Variants in KCNAB1 observed in about 807,000 individuals in gnomAD.
KCNAB1 encodes voltage-gated potassium channel subunit beta-1.
Under a neutral mutation model 64.6 loss-of-function variants are expected in KCNAB1, and 35 were observed. The ratio of observed to expected loss-of-function variants is 0.54; its 90% CI spans 0.41 to 0.72. The LOEUF (loss-of-function observed/expected upper bound fraction) is 0.72. Ranked by LOEUF, KCNAB1 falls within the 30% of genes least tolerant of loss-of-function variation. The pLI is 0.00. For synonymous variants in KCNAB1, 177 were observed against 183.8 expected (o/e 0.96, Z 0.30); for missense variants, 401 against 512.9 (o/e 0.78, Z 2.11).
At chr3:156,316,806 TG>T (rs1722307275) in intron 1 of KCNAB1, among the ~76,000 whole-genome samples, 1 of 152,152 alleles carries the variant, frequency 6.6e-6, no homozygotes, top group Non-Finnish European at 1.5e-5. Context: ...CATCTTACTC[TG>T]GGAACCTGAC....
chr3:156,133,562 C>T (rs1312495185), intron 1 of KCNAB1, among the ~76,000 whole-genome samples: 1 of 152,160 alleles, frequency 6.6e-6, no homozygotes, highest in Non-Finnish European at 1.5e-5. Flanking sequence ...CTACCATGTT[C>T]CAGTTCTGAG....
rs1293692674 is a variant in KCNAB1 at position 156,537,570 on chromosome 3, A to G, written c.*823A>G. The G allele has an allele frequency of 6.5e-6, 1 of 152,768 alleles. No individual in the cohort carries two copies. The highest frequency in any genetic ancestry group is 1.5e-5 in the Non-Finnish European group (1 of 68,110). 9.5% of individuals were successfully genotyped at this position (152,768 alleles called of 1,614,324 possible). A position where few individuals can be genotyped will look rare whatever the true frequency, so the allele number is the denominator to read the frequency against. On this transcript the variant is annotated 3_prime_UTR_variant, in exon 14 of 14. Transcript: ENST00000490337. ...TTATGAAAGAGAGGGCTACACTGCT[A>G]TGGAAACTTAGCTTCAAAGAAAATG...
intron 1 of KCNAB1, among the ~76,000 whole-genome samples, chr3:156,203,909 A>G (rs933600641): frequency 2.0e-4 from 31 of 152,180 alleles, no homozygotes; most frequent in African/African-American, 7.0e-4. Context: ...ATCTTCTTCT[A>G]AACTTCTGTG....
intron 1 of KCNAB1, among the ~76,000 whole-genome samples, chr3:156,325,053 CA>C (rs1722883882): frequency 6.6e-6 from 1 of 152,116 alleles, no homozygotes; most frequent in Admixed American, 6.6e-5. Flanking sequence ...TAACAACTTT[CA>C]TTTATGGAGG....
At chr3:156,242,793 T>TC (rs1225186235) in intron 1 of KCNAB1, among the ~76,000 whole-genome samples, 1 of 151,506 alleles carries the variant, frequency 6.6e-6, no homozygotes, top group Non-Finnish European at 1.5e-5. Flanking sequence ...TTTCAAGTTT[T>TC]TTTTTTTTTT....
intron 1 of KCNAB1, among the ~76,000 whole-genome samples, chr3:156,310,385 T>G (rs77668735): frequency 0.042 from 6,384 of 151,170 alleles, 255 homozygotes; most frequent in African/African-American, 0.1. Context: ...GTATGAAGAG[T>G]TGTGAAAACA....
intron 1 of KCNAB1, chr3:156,143,436 A>G: frequency 6.5e-7 from 1 of 1,528,260 alleles, no homozygotes; most frequent in Non-Finnish European, 8.8e-7. Context: ...GCTGATTGCA[A>G]AGTCATCCAA....
chr3:156,238,658 G>C (rs929324544), intron 1 of KCNAB1, among the ~76,000 whole-genome samples: 2 of 152,106 alleles, frequency 1.3e-5, no homozygotes, highest in African/African-American at 4.8e-5. Flanking sequence ...TGTTTAGACT[G>C]AAAGTTTGTA....
At chr3:156,176,594 A>G (rs569881975) in intron 1 of KCNAB1, 52 of 863,032 alleles carry the variant, frequency 6.0e-5, no homozygotes, top group Non-Finnish European at 9.9e-5. Context: ...GTGTTCCTTC[A>G]GTATGGCAGA....
chr3:156,198,226 A>G (rs1331174417), intron 1 of KCNAB1, among the ~76,000 whole-genome samples: 1 of 152,148 alleles, frequency 6.6e-6, no homozygotes, highest in Non-Finnish European at 1.5e-5. Context: ...TCAATTTTAG[A>G]ATAAGTGCTG....
rs191927786 is a variant in KCNAB1 at position 156,423,881 on chromosome 3, A to G, written c.319+2222A>G. Among the ~76,000 whole-genome samples the G allele has an allele frequency of 1.6e-3, 251 of 152,338 alleles. 1 individual carries two copies. Among genetic ancestry groups the G allele is most frequent in the Non-Finnish European group, 2.6e-3 (176 of 68,026 alleles). On this transcript the variant is annotated intron_variant, in intron 2 of 13. Coordinates refer to ENST00000490337, the MANE Select transcript of KCNAB1 (RefSeq NM_172160.3). ...GGACTGTGAAAACTGGATAGGATCA[A>G]TAAAGTATATATCCCAGAGGGACTA...
chr3:156,462,730 A>G (rs956856031), intron 5 of KCNAB1, among the ~76,000 whole-genome samples: 7 of 152,174 alleles, frequency 4.6e-5, no homozygotes, highest in African/African-American at 1.7e-4. Context: ...GGAATTATAA[A>G]CGCCTTATTT....
chr3:156,498,893 A>C (rs1157802508), intron 8 of KCNAB1, among the ~76,000 whole-genome samples: 1 of 152,234 alleles, frequency 6.6e-6, no homozygotes, highest in Admixed American at 6.5e-5. Context: ...GGGGATAAGC[A>C]TGGCTTTTCC....
intron 2 of KCNAB1, chr3:156,446,670 C>T (rs976744745): frequency 2.0e-5 from 3 of 152,190 alleles, no homozygotes; most frequent in Non-Finnish European, 4.4e-5. Flanking sequence ...ACACCCTACA[C>T]ATCCTTTTAC....
chr3:156,325,878 A>C (rs751766021), intron 1 of KCNAB1, among the ~76,000 whole-genome samples: 7 of 152,230 alleles, frequency 4.6e-5, no homozygotes, highest in Non-Finnish European at 1.0e-4. Flanking sequence ...ATTAGGTTTT[A>C]TAATTGCACA....
intron 1 of KCNAB1, chr3:156,291,633 G>A (rs1323362183): frequency 7.5e-6 from 10 of 1,334,506 alleles, no homozygotes; most frequent in Non-Finnish European, 9.6e-6. Context: ...GGGAAGATTT[G>A]CAAACCTGAT....
chr3:156,449,208 A>C lies in KCNAB1; in HGVS notation c.320-3691A>C, dbSNP rs116014364. ...AATTTTAAAAACATTGAAAAAGGAA[A>C]ACAATTATTGCTATATTTTTATTTC... On this transcript the variant is annotated intron_variant, in intron 2 of 13. Transcript: ENST00000490337. Among the ~76,000 whole-genome samples the C allele has an allele frequency of 7.9e-3, 1,202 of 152,284 alleles. 18 individuals are homozygous for C. Among genetic ancestry groups the C allele is most frequent in the African/African-American group, 0.028 (1,153 of 41,544 alleles).
intron 1 of KCNAB1, among the ~76,000 whole-genome samples, chr3:156,246,192 G>A (rs1390294264): frequency 6.6e-6 from 1 of 152,178 alleles, no homozygotes; most frequent in Non-Finnish European, 1.5e-5. Context: ...TGCCCCAATA[G>A]GTCATTTGCA....
chr3:156,137,227 G>T (rs1199692576), intron 1 of KCNAB1, among the ~76,000 whole-genome samples: 1 of 151,336 alleles, frequency 6.6e-6, no homozygotes, highest in South Asian at 2.1e-4. Flanking sequence ...CATTGGTGGG[G>T]GGGGATTGTT....
Sources: gnomAD v4.1 joint callset for allele counts (sites outside exome capture counted in the v4.1 genomes callset) on GRCh38, gnomAD v4.1.1 for gene constraint, MANE v1.5 for transcripts, NCBI Gene and HGNC (gene_info 2026-07-23, HGNC 2026-07-21) for gene names.